The following OTOA variants were observed in gnomAD, a reference collection of about 807,000 sequenced individuals.
The protein encoded by OTOA is cancer/testis antigen 108.
OTOA carries 70 observed loss-of-function variants against 110.8 expected under a neutral mutation model. That is an observed-to-expected ratio of 0.63 (90% CI 0.52 to 0.77). OTOA has a LOEUF of 0.77. OTOA is among the 30% of genes least tolerant of loss of function. The pLI is 0.00. For missense variants in OTOA, 917 were observed against 1,075.8 expected, an observed-to-expected ratio of 0.85 and a Z score of 2.06; for synonymous variants, 373 against 431.5, an observed-to-expected ratio of 0.86 and a Z score of 1.68.
At chr16:21,744,328 G>T (rs1899585524) in intron 23 of OTOA, among the ~76,000 whole-genome samples, 1 of 152,148 alleles carries the variant, frequency 6.6e-6, no homozygotes, top group Non-Finnish European at 1.5e-5. Context: ...TGTATTTTTA[G>T]TAGAGGCAGG....
At position 21,730,831 on chromosome 16, in the gene OTOA, T is replaced by G; in HGVS notation, c.2208-6T>G. On this transcript the variant is annotated splice_polypyrimidine_tract_variant and splice_region_variant and intron_variant, in intron 20 of 28. Transcript: ENST00000646100. ...TTTCACTTTACTGGTTATTATCTCTTTTTAGACTCCCTCAGCACTGGACAG... is the reference window on the plus strand; with the variant it reads ...TTTCACTTTACTGGTTATTATCTCTGTTTAGACTCCCTCAGCACTGGACAG... The G allele has an allele frequency of 6.6e-7, 1 of 1,524,490 alleles. No homozygotes were observed. Among genetic ancestry groups the G allele is most frequent in the Non-Finnish European group, 9.0e-7 (1 of 1,105,368 alleles). 94.4% of individuals were successfully genotyped at this position (1,524,490 alleles called of 1,614,324 possible).
chr16:21,683,128 G>T lies in OTOA; in HGVS notation c.267+1303G>T, dbSNP rs536026397. Among the ~76,000 whole-genome samples, 17 of 152,276 alleles carry T rather than the reference G, an allele frequency of 1.1e-4. 1 individual carries two copies. In the East Asian group the frequency reaches 2.9e-3, roughly 26 times the overall value. On this transcript the variant is annotated intron_variant, in intron 6 of 28. Transcript: ENST00000646100. ...TCTGCCAGGCATAGCTCTAGACACTGAGGACTCAGTAGGGAACAAGGCAGT... is the reference window on the plus strand; with the variant it reads ...TCTGCCAGGCATAGCTCTAGACACTTAGGACTCAGTAGGGAACAAGGCAGT...
chr16:21,680,174 T>C (rs1295620728), intron 5 of OTOA, among the ~76,000 whole-genome samples: 1 of 132,766 alleles, frequency 7.5e-6, no homozygotes, highest in African/African-American at 3.0e-5. Context: ...ATTTTATTTG[T>C]TTATTAATTT....
At chr16:21,726,693 G>A (rs768781498) in intron 19 of OTOA, 35 bp downstream of exon 19, 48 of 1,613,328 alleles carry the variant, frequency 3.0e-5, no homozygotes, top group Non-Finnish European at 3.9e-5. Context: ...CCCTCCCTCT[G>A]GGTATCTGTG....
chr16:21,707,594 T>TTTCTTTCTTTCTTTCA (rs1477309139), intron 12 of OTOA, among the ~76,000 whole-genome samples: 7 of 12,524 alleles, frequency 5.6e-4, no homozygotes, highest in Non-Finnish European at 1.0e-3. Flanking sequence ...TCTCCTTCCT[T>TTTCTTTCTTTCTTTCA]TTCTTTCTTT....
chr16:21,717,116 T>G, intron 15 of OTOA, 69 bp downstream of exon 15: 1 of 1,590,138 alleles, frequency 6.3e-7, no homozygotes, highest in Non-Finnish European at 8.6e-7. Context: ...AATGGTCTGT[T>G]TTAAGGTTAA....
chr16:21,727,807 A>G (rs1176489766), intron 19 of OTOA, among the ~76,000 whole-genome samples: 3 of 151,420 alleles, frequency 2.0e-5, no homozygotes, highest in African/African-American at 7.3e-5. Context: ...CTAGGAATCC[A>G]TGGCAGGGTA....
chr16:21,759,423 G>A lies in OTOA; in HGVS notation c.3350-1047G>A, dbSNP rs377044596. On this transcript the variant is annotated intron_variant, in intron 28 of 28. Transcript: ENST00000646100. ...CCATTGTTGGTTTTATGGCTATGCCGTAACTGTATTCAACCAGAGGTCTGT... is the reference window on the plus strand; with the variant it reads ...CCATTGTTGGTTTTATGGCTATGCCATAACTGTATTCAACCAGAGGTCTGT... Among the ~76,000 whole-genome samples, 437 of 151,478 alleles carry A rather than the reference G, an allele frequency of 2.9e-3. 4 individuals are homozygous for A. In the East Asian group the frequency reaches 0.037, roughly 13 times the overall value.
intron 13 of OTOA, among the ~76,000 whole-genome samples, chr16:21,714,300 T>TTCCTTCCTTCCTTCCTTCCTTC (rs1898455390): frequency 7.0e-5 from 7 of 100,342 alleles, no homozygotes; most frequent in South Asian, 4.0e-4. Flanking sequence ...TCTTTTCCTT[T>TTCCTTCCTTCCTTCCTTCCTTC]CTTCCTTCCT....
intron 9 of OTOA, among the ~76,000 whole-genome samples, chr16:21,692,927 CA>C (rs34170544): frequency 0.031 from 3,043 of 96,984 alleles, 92 homozygotes; most frequent in African/African-American, 0.11. Flanking sequence ...GACTCTGTCT[CA>C]AAAAAAAAAA....
At position 21,709,913 on chromosome 16, in the gene OTOA, C is replaced by T. The variant is rs375959378; in HGVS notation, c.1130C>T (p.Ala377Val). 4.3e-6 allele frequency: 7 copies of T among 1,613,802 alleles called. No individual in the cohort carries two copies. Among genetic ancestry groups the T allele is most frequent in the Middle Eastern group, 1.6e-4 (1 of 6,062 alleles). ...QKLKAELLDIAMENQTLNETL... is the reference protein window; with the variant it reads ...QKLKAELLDIVMENQTLNETL... ...CTCAAAGCAGAACTCCTGGACATTGCCATGGAGAACCAGACCCTCAATGAG... is the reference window on the plus strand; with the variant it reads ...CTCAAAGCAGAACTCCTGGACATTGTCATGGAGAACCAGACCCTCAATGAG... Residue 377 changes from alanine (A) to valine (V), a missense_variant, in exon 13 of 29, where the codon GCC becomes GTC. This residue lies in a region of OTOA where 840 missense variants were observed against 910.2 expected (regional missense o/e 0.92). Transcript: ENST00000646100.
chr16:21,732,664 T>G (rs1312064962), intron 21 of OTOA, among the ~76,000 whole-genome samples: 2 of 151,830 alleles, frequency 1.3e-5, no homozygotes, highest in African/African-American at 2.4e-5. Flanking sequence ...AAAAACACAG[T>G]GTAGAGTTAA....
rs1205590889 is a variant in OTOA at position 21,695,887 on chromosome 16, A to ATTTT, written c.740-1887_740-1886insTTTT. Among the ~76,000 whole-genome samples, 494 of 61,418 alleles carry ATTTT rather than the reference A, an allele frequency of 8.0e-3. 9 individuals carry two copies. The highest frequency in any genetic ancestry group is 9.3e-3 in the Non-Finnish European group (330 of 35,498). 40.3% of individuals were successfully genotyped at this position (61,418 alleles called of 152,430 possible). ...TTGAGATATATATATATATATATAT[A>ATTTT]TATATTTTTTTTTTTTTTTTTTTCT... On this transcript the variant is annotated intron_variant, in intron 9 of 28. Transcript: ENST00000646100.
At chr16:21,719,305 G>C in intron 16 of OTOA, 82 bp from the exon 17 acceptor site, 1 of 1,548,098 alleles carries the variant, frequency 6.5e-7, no homozygotes, top group Non-Finnish European at 8.9e-7. Context: ...GCTTGTATCT[G>C]ATCATATCTG....
At chr16:21,681,213 A>G (rs1597807086) in intron 5 of OTOA, among the ~76,000 whole-genome samples, 1 of 152,186 alleles carries the variant, frequency 6.6e-6, no homozygotes, top group Non-Finnish European at 1.5e-5. Flanking sequence ...CAGCTTAGAA[A>G]TTTGGGAATT....
At chr16:21,673,341 G>T (rs940359288) in intron 1 of OTOA, among the ~76,000 whole-genome samples, 1 of 152,106 alleles carries the variant, frequency 6.6e-6, no homozygotes, top group Non-Finnish European at 1.5e-5. Flanking sequence ...GCACTCCTTT[G>T]TGTGTATATT....
intron 5 of OTOA, among the ~76,000 whole-genome samples, chr16:21,679,425 G>A (rs550586914): frequency 6.6e-6 from 1 of 152,090 alleles, no homozygotes; most frequent in South Asian, 2.1e-4. Flanking sequence ...TTTTTGAATG[G>A]AGTTTCGCTC....
chr16:21,717,226 C>T (rs1025822603), intron 15 of OTOA, among the ~76,000 whole-genome samples, 179 bp downstream of exon 15: 9 of 152,002 alleles, frequency 5.9e-5, no homozygotes, highest in Non-Finnish European at 1.2e-4. Flanking sequence ...CGCTTGACGC[C>T]AGGAGTTCGA....
intron 21 of OTOA, among the ~76,000 whole-genome samples, chr16:21,731,564 A>G (rs1328687211): frequency 2.6e-5 from 4 of 152,208 alleles, no homozygotes; most frequent in Non-Finnish European, 4.4e-5. Flanking sequence ...GAAACTACCA[A>G]AAAAGGGAAG....
Sources: gnomAD v4.1 joint callset for allele counts (sites outside exome capture counted in the v4.1 genomes callset) on GRCh38, gnomAD v4.1.1 for gene constraint, gnomAD v4.1.1 regional missense constraint, MANE v1.5 for transcripts, NCBI Gene and HGNC (gene_info 2026-07-23, HGNC 2026-07-21) for gene names.